Variants in FBN3 observed in about 807,000 individuals in gnomAD.
The protein encoded by FBN3 is fibrillin 3.
In FBN3, 234 loss-of-function variants were observed where a neutral mutation model predicts 330.1. That is an observed-to-expected ratio of 0.71 (90% CI 0.64 to 0.79). FBN3 has a LOEUF of 0.79. Ranked by LOEUF, FBN3 falls within the 30% of genes least tolerant of loss-of-function variation. FBN3 has a pLI of 0.00. For synonymous variants in FBN3, 1,458 were observed against 1,517.3 expected, an observed-to-expected ratio of 0.96 and a Z score of 0.91; for missense variants, 3,606 against 3,886.9, an observed-to-expected ratio of 0.93 and a Z score of 1.92.
At chr19:8,067,748 A>C (rs990836012) in intron 63 of FBN3, among the ~76,000 whole-genome samples, 1 of 152,244 alleles carries the variant, frequency 6.6e-6, no homozygotes, top group African/African-American at 2.4e-5. Context: ...CTAGTAAAGC[A>C]AAGCAGATAG....
Position 8,066,064 on chromosome 19 carries a change from T to G in FBN3, c.8285A>C (p.Gln2762Pro). The G allele has an allele frequency of 6.2e-7, 1 of 1,613,302 alleles. No homozygotes were observed. The highest frequency in any genetic ancestry group is 8.5e-7 in the Non-Finnish European group (1 of 1,179,938). The part of the protein sequence containing the change: ...MHHLRGVSSL[Q>P]LGRRRPGPGT... ...AGGCCCCGGCCGCCTCCGCCCCAGCTGCAGGGAGCTGACGCCACGGAGGTG... is the reference window on the plus strand; with the variant it reads ...AGGCCCCGGCCGCCTCCGCCCCAGCGGCAGGGAGCTGACGCCACGGAGGTG... The change falls in exon 64 of 64, where the codon CAG (glutamine) becomes CCG (proline). Residue 2762 changes from glutamine (Q) to proline (P), a missense_variant. Coordinates refer to ENST00000600128, the MANE Select transcript of FBN3 (RefSeq NM_032447.5).
intron 51 of FBN3, among the ~76,000 whole-genome samples, chr19:8,088,595 G>C (rs1311776120): frequency 6.6e-6 from 1 of 152,246 alleles, no homozygotes; most frequent in African/African-American, 2.4e-5. Context: ...GAATGAGTGA[G>C]TAAAGGGGTG....
intron 25 of FBN3, among the ~76,000 whole-genome samples, chr19:8,119,375 G>A (rs2082784789): frequency 6.6e-6 from 1 of 152,212 alleles, no homozygotes; most frequent in Admixed American, 6.5e-5. Context: ...GGAGCAGGCA[G>A]CCTCGCCATG....
intron 18 of FBN3, among the ~76,000 whole-genome samples, chr19:8,128,674 G>A (rs1022156563): frequency 1.3e-5 from 2 of 152,168 alleles, no homozygotes; most frequent in Admixed American, 6.5e-5. Flanking sequence ...ATGCATGTCT[G>A]TGTACACATG....
intron 63 of FBN3, among the ~76,000 whole-genome samples, chr19:8,070,765 G>A (rs1568348495): frequency 6.6e-6 from 1 of 152,156 alleles, no homozygotes; most frequent in African/African-American, 2.4e-5. Context: ...CTTCATGCCT[G>A]TAATCCCAGC....
chr19:8,097,100 GTT>G, intron 42 of FBN3, 94 bp from the exon 43 acceptor site: 1 of 1,539,136 alleles, frequency 6.5e-7, no homozygotes, highest in Non-Finnish European at 8.8e-7. Flanking sequence ...GGAGCAGGTG[GTT>G]TCTCTGGAAG....
chr19:8,075,825 A>G (rs1029841328), intron 59 of FBN3, among the ~76,000 whole-genome samples: 8 of 152,326 alleles, frequency 5.3e-5, no homozygotes, highest in African/African-American at 1.9e-4. Flanking sequence ...TCCTTCTCCC[A>G]TGGAAAAATG....
In FBN3 at chr19:8,066,176, C is replaced by G; in HGVS notation, c.8173G>C (p.Glu2725Gln). The change falls in exon 64 of 64, where the codon GAG (glutamate) becomes CAG (glutamine). Residue 2725 changes from glutamate (E) to glutamine (Q), a missense_variant. Glu to Gln is a conservative substitution (Grantham distance 29, BLOSUM62 2). Coordinates refer to ENST00000600128, the MANE Select transcript of FBN3 (RefSeq NM_032447.5). ...AGACCCTCCAGGGCCGGCCGGAGCT[C>G]CAGGATGCGCTCGGCCCGGCCCAGG... is the stretch of plus-strand genomic sequence containing the variant. ...SHLGRAERILELRPALEGLEG... is the reference protein window; with the variant it reads ...SHLGRAERILQLRPALEGLEG... 6.2e-7 allele frequency: 1 copy of G among 1,612,532 alleles called. No homozygotes were observed. The highest frequency in any genetic ancestry group is 8.5e-7 in the Non-Finnish European group (1 of 1,179,430).
chr19:8,089,913 G>C lies in FBN3; in HGVS notation c.6231C>G (p.Gly2077=). ...GCTCACCTTCTCGGGAGTCATCCGG[G>C]CCTGGGACTGCCCCGTGGCCAAAGG... The part of the protein sequence containing the change: ...LCPFGHGAVP[G]PDDSREDVNE... Residue 2077 remains glycine, a synonymous_variant, in exon 50 of 64, where the codon GGC becomes GGG. Transcript: ENST00000600128. The C allele has an allele frequency of 3.7e-6, 6 of 1,603,632 alleles. No individual in the cohort carries two copies. The highest frequency in any genetic ancestry group is 5.1e-6 in the Non-Finnish European group (6 of 1,175,966).
At chr19:8,070,660 G>A (rs897748442) in intron 63 of FBN3, among the ~76,000 whole-genome samples, 1 of 152,208 alleles carries the variant, frequency 6.6e-6, no homozygotes, top group African/African-American at 2.4e-5. Flanking sequence ...CCACGTTCAA[G>A]TTCTGTAACT....
intron 25 of FBN3, among the ~76,000 whole-genome samples, chr19:8,120,317 A>C (rs1344108453): frequency 6.7e-6 from 1 of 149,484 alleles, no homozygotes; most frequent in Non-Finnish European, 1.5e-5. Flanking sequence ...CTACAGGTGC[A>C]CGCCACCACA....
Position 8,146,206 on chromosome 19 carries a change from G to A in FBN3, c.270C>T (p.Cys90=), listed in dbSNP as rs373628265. The change falls in exon 4 of 64, where the codon TGC becomes TGT. Residue 90 remains cysteine, a synonymous_variant. Transcript: ENST00000600128. Reference sequence around the variant, plus strand: ...TGGGCTGGGAGCAGAAGCCTTCACCGCAGGCGCGCCTACAGATGGCTGGAT... The same window carrying A: ...TGGGCTGGGAGCAGAAGCCTTCACCACAGGCGCGCCTACAGATGGCTGGAT... The part of the protein sequence containing the change: ...QCVVPICRRA[C]GEGFCSQPNL... 100 of 1,597,358 alleles carry A rather than the reference G, an allele frequency of 6.3e-5. No individual in the cohort carries two copies. In the African/African-American group the frequency reaches 1.1e-3, roughly 17 times the overall value.
At position 8,081,111 on chromosome 19, in the gene FBN3, C is replaced by T. The variant is rs777471590; in HGVS notation, c.7345G>A (p.Glu2449Lys). Reference sequence around the variant, plus strand: ...CAGTTGTGCTGCCGGGAGGTGCATTCGTCCAGGTCTGCAGCACGGATGGTC... The same window carrying T: ...CAGTTGTGCTGCCGGGAGGTGCATTTGTCCAGGTCTGCAGCACGGATGGTC... ...EDGRTCKDLD[E>K]CTSRQHNCQF... Residue 2449 changes from glutamate to lysine, a missense_variant, in exon 59 of 64, where the codon GAA becomes AAA. Glu to Lys is a moderately conservative substitution (Grantham distance 56). Coordinates refer to ENST00000600128, the MANE Select transcript of FBN3 (RefSeq NM_032447.5). 3.7e-6 allele frequency: 6 copies of T among 1,613,438 alleles called. No homozygotes were observed. Among genetic ancestry groups the T allele is most frequent in the South Asian group, 3.3e-5 (3 of 91,054 alleles).
intron 59 of FBN3, among the ~76,000 whole-genome samples, chr19:8,078,337 C>T (rs1403651308): frequency 6.6e-6 from 1 of 152,124 alleles, no homozygotes; most frequent in East Asian, 1.9e-4. Context: ...TGGTAGAGTC[C>T]AATCGTGGCG....
At chr19:8,073,835 A>G (rs888044393) in intron 61 of FBN3, among the ~76,000 whole-genome samples, 2 of 152,138 alleles carry the variant, frequency 1.3e-5, no homozygotes. Context: ...GTGCACCAAC[A>G]TGCCTGGCTA....
At position 8,110,843 on chromosome 19, in the gene FBN3, A is replaced by C. The variant is rs1274499283; in HGVS notation, c.4333+2T>G. On this transcript the variant is annotated splice_donor_variant, in intron 34 of 63. Transcript: ENST00000600128. LOFTEE classifies it high-confidence loss of function. ...CCCCTTCCAGCCCAGATGACCTCAC[A>C]CCTGTGCAGTTGCCACCCCCTCGGT... 6.2e-7 allele frequency: 1 copy of C among 1,614,000 alleles called. No individual in the cohort carries two copies.
At chr19:8,122,978 T>A (rs1302657835) in intron 24 of FBN3, among the ~76,000 whole-genome samples, 1 of 151,810 alleles carries the variant, frequency 6.6e-6, no homozygotes, top group East Asian at 2.0e-4. Flanking sequence ...CCTTCTTTTA[T>A]AGTCAGGGTC....
chr19:8,087,589 C>G (rs1170608398), intron 53 of FBN3, among the ~76,000 whole-genome samples: 1 of 145,732 alleles, frequency 6.9e-6, no homozygotes, highest in Non-Finnish European at 1.5e-5. Flanking sequence ...GTTCTGTGTG[C>G]ATTGCAGGAT....
At chr19:8,073,389 G>A in intron 61 of FBN3, 92 bp from the exon 62 acceptor site, 1 of 1,050,076 alleles carries the variant, frequency 9.5e-7, no homozygotes, top group Non-Finnish European at 1.4e-6. Context: ...AATGCTGTAT[G>A]TTCAGAGCCC....
Sources: gnomAD v4.1 joint callset for allele counts (sites outside exome capture counted in the v4.1 genomes callset) on GRCh38, gnomAD v4.1.1 for gene constraint, MANE v1.5 for transcripts, NCBI Gene and HGNC (gene_info 2026-07-23, HGNC 2026-07-21) for gene names.